Variants in HSD17B2 observed in about 807,000 individuals in gnomAD.
HSD17B2 encodes the protein 17-beta-hydroxysteroid dehydrogenase type 2.
Under a neutral mutation model 26.9 loss-of-function variants are expected in HSD17B2, and 32 were observed. The observed-to-expected ratio is 1.19, with a 90% CI of 0.90 to 1.60. The LOEUF (loss-of-function observed/expected upper bound fraction) is 1.60. Ranked by LOEUF, HSD17B2 falls within the 40% of genes most tolerant of loss-of-function variation. The pLI, the probability that HSD17B2 is intolerant of heterozygous loss-of-function variation, is 0.00. For missense variants in HSD17B2, 613 were observed against 468.6 expected (o/e 1.31, Z -2.85); for synonymous variants, 246 against 186.7 (o/e 1.32, Z -2.59).
chr16:82,091,446 C>A, intron 4 of HSD17B2: 1 of 229,848 alleles, frequency 4.4e-6, no homozygotes, highest in Non-Finnish European at 8.6e-6. Flanking sequence ...TGATTCAGTT[C>A]CAAAGGAATG....
intron 3 of HSD17B2, among the ~76,000 whole-genome samples, chr16:82,081,189 G>T (rs946212722): frequency 3.9e-5 from 6 of 152,134 alleles, no homozygotes; most frequent in Non-Finnish European, 8.8e-5. Flanking sequence ...CAGAATAGAA[G>T]AAAAAATTAT....
At chr16:82,042,192 A>AG (rs1383853804) in intron 1 of HSD17B2, among the ~76,000 whole-genome samples, 1 of 151,222 alleles carries the variant, frequency 6.6e-6, no homozygotes, top group South Asian at 2.1e-4. Flanking sequence ...TTTAGTAGAG[A>AG]GGGGGTTACG....
At chr16:82,082,150 G>C (rs1904400376) in intron 3 of HSD17B2, among the ~76,000 whole-genome samples, 1 of 152,108 alleles carries the variant, frequency 6.6e-6, no homozygotes. Flanking sequence ...TGGCTCCTTT[G>C]TTTTCCGTTA....
chr16:82,084,198 C>G (rs1904457549), intron 3 of HSD17B2, among the ~76,000 whole-genome samples: 1 of 152,058 alleles, frequency 6.6e-6, no homozygotes, highest in African/African-American at 2.4e-5. Flanking sequence ...CACCTGAGTC[C>G]AGGGCAATAT....
At chr16:82,070,740 C>T in intron 2 of HSD17B2, 1 of 588,328 alleles carries the variant, frequency 1.7e-6, no homozygotes, top group Non-Finnish European at 3.0e-6. Flanking sequence ...CATCTCTGCA[C>T]ATCTAGCTTC....
chr16:82,047,032 T>C (rs1001151765), intron 1 of HSD17B2, among the ~76,000 whole-genome samples: 4 of 152,220 alleles, frequency 2.6e-5, no homozygotes, highest in African/African-American at 9.7e-5. Context: ...CCTTCCGCAT[T>C]CAGACACAGA....
intron 4 of HSD17B2, 107 bp downstream of exon 4, chr16:82,091,146 G>A (rs750826550): frequency 1.8e-6 from 2 of 1,102,260 alleles, no homozygotes; most frequent in Admixed American, 1.7e-5. Flanking sequence ...TGTCAAAGAT[G>A]AGCACAGCCA....
chr16:82,093,955 CCTGGTG>C (rs1904765980), intron 4 of HSD17B2: 1 of 152,128 alleles, frequency 6.6e-6, no homozygotes, highest in South Asian at 2.1e-4. Context: ...TATAAACTGT[CCTGGTG>C]CTGGTGGAAG....
At chr16:82,050,268 A>G (rs960091550) in intron 1 of HSD17B2, among the ~76,000 whole-genome samples, 1 of 151,596 alleles carries the variant, frequency 6.6e-6, no homozygotes, top group East Asian at 1.9e-4. Flanking sequence ...TGCACTACCC[A>G]GCATTCTGTA....
In HSD17B2 at chr16:82,068,353, G is replaced by A. The variant is rs1914621868; in HGVS notation, c.449G>A (p.Ser150Asn). The A allele has an allele frequency of 6.2e-7, 1 of 1,613,332 alleles. No individual in the cohort carries two copies. The highest frequency in any genetic ancestry group is 8.5e-7 in the Non-Finnish European group (1 of 1,179,870). ...CCAGTGCAGATAAAAGATGCTTACA[G>A]CAAGGTTGCAGCAATGCTGCAGGAC... is the stretch of plus-strand genomic sequence containing the variant. The part of the protein sequence containing the change: ...TKPVQIKDAY[S>N]KVAAMLQDRG... The change falls in exon 2 of 5, where the codon AGC becomes AAC. Residue 150 changes from serine (S) to asparagine (N), a missense_variant. Ser to Asn is a conservative substitution (Grantham distance 46, BLOSUM62 1). Transcript: ENST00000199936.
chr16:82,088,319 T>C (rs1289827440), intron 3 of HSD17B2, among the ~76,000 whole-genome samples: 1 of 152,186 alleles, frequency 6.6e-6, no homozygotes, highest in Non-Finnish European at 1.5e-5. Context: ...TAGAAAGCCC[T>C]TATATGGAGC....
chr16:82,059,673 T>C (rs570387440), intron 1 of HSD17B2, among the ~76,000 whole-genome samples: 1 of 152,230 alleles, frequency 6.6e-6, no homozygotes, highest in South Asian at 2.1e-4. Context: ...AACAAAAGAA[T>C]GAAGGTGAAG....
rs369552963 is a variant in HSD17B2, at chr16:82,068,181, G to A, written c.277G>A (p.Gly93Arg). Residue 93 changes from glycine to arginine, a missense_variant, in exon 2 of 5, where the codon GGG becomes AGG. Gly to Arg is a moderately radical substitution (Grantham distance 125, BLOSUM62 -2). Transcript: ENST00000199936. ...CTGACCCTATGCAGGTGGTGATTGC[G>A]GGCTTGGCCATGCTTTGTGCAAGTA... Reference protein sequence around the residue: ...KAVLVTGGDCGLGHALCKYLD... With the variant: ...KAVLVTGGDCRLGHALCKYLD... The A allele has an allele frequency of 3.1e-6, 5 of 1,614,002 alleles. No individual in the cohort carries two copies. The highest frequency in any genetic ancestry group is 2.2e-5 in the East Asian group (1 of 44,884).
intron 1 of HSD17B2, among the ~76,000 whole-genome samples, chr16:82,047,715 A>T (rs1032086983): frequency 6.6e-6 from 1 of 152,200 alleles, no homozygotes; most frequent in Admixed American, 6.5e-5. Flanking sequence ...AGAGAAGAAA[A>T]GGAGAGACCC....
intron 1 of HSD17B2, among the ~76,000 whole-genome samples, chr16:82,035,970 T>C (rs1370731145): frequency 6.6e-6 from 1 of 152,186 alleles, no homozygotes; most frequent in African/African-American, 2.4e-5. Context: ...AATGGCAATA[T>C]TTCATGTGTT....
intron 1 of HSD17B2, among the ~76,000 whole-genome samples, chr16:82,053,796 G>A (rs117265639): frequency 1.3e-5 from 2 of 152,282 alleles, no homozygotes; most frequent in East Asian, 3.9e-4. Flanking sequence ...TTGCTGCTGG[G>A]GAGCTCAAAC....
chr16:82,055,452 C>T (rs1657625613), intron 1 of HSD17B2, among the ~76,000 whole-genome samples: 1 of 152,128 alleles, frequency 6.6e-6, no homozygotes, highest in African/African-American at 2.4e-5. Context: ...TGCCGTGTCC[C>T]CATGATGTAG....
intron 4 of HSD17B2, chr16:82,097,472 C>G (rs552421287): frequency 6.6e-5 from 10 of 152,060 alleles, no homozygotes; most frequent in Admixed American, 5.9e-4. Flanking sequence ...CTTCCTGGGC[C>G]TCCCAAAGTG....
intron 1 of HSD17B2, among the ~76,000 whole-genome samples, chr16:82,052,722 G>C (rs1415608735): frequency 2.0e-5 from 3 of 152,156 alleles, no homozygotes; most frequent in Non-Finnish European, 4.4e-5. Flanking sequence ...CTCTTAGCTT[G>C]GGCAGTGTTG....
Sources: allele counts gnomAD v4.1 joint callset (sites outside exome capture counted in the v4.1 genomes callset), GRCh38; gene constraint gnomAD v4.1.1; transcripts MANE v1.5; gene names NCBI Gene and HGNC (gene_info 2026-07-23, HGNC 2026-07-21).